The following OTOF variants were observed in gnomAD, a reference collection of about 807,000 sequenced individuals.
OTOF encodes fer-1-like family member 2.
Under a neutral mutation model 236.8 loss-of-function variants are expected in OTOF, and 218 were observed. The ratio of observed to expected loss-of-function variants is 0.92; its 90% confidence interval spans 0.82 to 1.03. OTOF has a LOEUF of 1.03. Ranked by LOEUF, OTOF falls within the 50% of genes least tolerant of loss-of-function variation. OTOF has a pLI of 0.00. For synonymous variants in OTOF, 1,041 were observed against 1,072.5 expected, an observed-to-expected ratio of 0.97 and a Z score of 0.57; for missense variants, 2,590 against 2,694.4, an observed-to-expected ratio of 0.96 and a Z score of 0.86.
intron 1 of OTOF, among the ~76,000 whole-genome samples, chr2:26,555,539 C>T (rs992741184): frequency 6.6e-6 from 1 of 151,966 alleles, no homozygotes; most frequent in African/African-American, 2.4e-5. Context: ...ACCGAGGGGC[C>T]GACTGGCCTG....
At position 26,550,075 on chromosome 2, in the gene OTOF, C is replaced by A. The variant is rs1233516063; in HGVS notation, c.79+8418G>T. Among the ~76,000 whole-genome samples the A allele has an allele frequency of 2.6e-5, 4 of 151,356 alleles. 1 individual carries two copies. The highest frequency in any genetic ancestry group is 2.0e-4 in the Admixed American group (3 of 15,216). On this transcript the variant is annotated intron_variant, in intron 1 of 46. Transcript: ENST00000272371. ...TAGGGTAAAAATATTGTGGAAACTGCAGTCCTGACTTTACCTTAAACTTCG... is the reference window on the plus strand; with the variant it reads ...TAGGGTAAAAATATTGTGGAAACTGAAGTCCTGACTTTACCTTAAACTTCG...
At chr2:26,515,199 C>G (rs1168500376) in intron 5 of OTOF, among the ~76,000 whole-genome samples, 2 of 152,214 alleles carry the variant, frequency 1.3e-5, no homozygotes, top group Admixed American at 6.5e-5. Flanking sequence ...AAGGGTCACA[C>G]GACTAGTAAG....
At chr2:26,484,690 G>A (rs930099347) in intron 11 of OTOF, 57 bp from the exon 12 acceptor site, 2 of 1,591,668 alleles carry the variant, frequency 1.3e-6, no homozygotes, top group Non-Finnish European at 1.7e-6. Flanking sequence ...GCGTCTCCCA[G>A]TGCTCAGGGC....
At chr2:26,491,464 TG>T (rs1665838959) in intron 9 of OTOF, among the ~76,000 whole-genome samples, 1 of 152,184 alleles carries the variant, frequency 6.6e-6, no homozygotes, top group Non-Finnish European at 1.5e-5. Flanking sequence ...TGAGCACACA[TG>T]GGTCTTCATG....
At chr2:26,520,708 C>A (rs1666656269) in intron 3 of OTOF, among the ~76,000 whole-genome samples, 1 of 152,218 alleles carries the variant, frequency 6.6e-6, no homozygotes, top group Non-Finnish European at 1.5e-5. Flanking sequence ...GGAGCTGCTG[C>A]CCCTGAGTCT....
chr2:26,483,595 T>C lies in OTOF; in HGVS notation c.1259A>G (p.Tyr420Cys), dbSNP rs1342861411. The C allele has an allele frequency of 1.9e-6, 3 of 1,613,486 alleles. No individual in the cohort carries two copies. The highest frequency in any genetic ancestry group is 2.2e-5 in the East Asian group (1 of 44,904). Residue 420 changes from tyrosine (Y) to cysteine (C), a missense_variant, in exon 13 of 47, where the codon TAT becomes TGT. This residue lies in a region of OTOF where 1,379 missense variants were observed against 1,341.6 expected (regional missense o/e 1.03). Coordinates refer to ENST00000272371, the MANE Select transcript of OTOF (RefSeq NM_194248.3). ...CCCCTCTGCTCGGTAAATTTTCACA[T>C]AGAACCGGGCCCACTGGCGTTCGGG... ...VPPERQWARF[Y>C]VKIYRAEGLP...
chr2:26,500,583 C>T (rs1572454889), intron 8 of OTOF, among the ~76,000 whole-genome samples: 1 of 152,278 alleles, frequency 6.6e-6, no homozygotes, highest in African/African-American at 2.4e-5. Flanking sequence ...CTAAGGAATC[C>T]AATGGCTTGA....
In OTOF at chr2:26,461,750, G is replaced by A. The variant is rs142748621; in HGVS notation, c.5479C>T (p.Arg1827Trp). Residue 1827 changes from arginine (R) to tryptophan (W), a missense_variant, in exon 43 of 47, where the codon CGG becomes TGG. By Grantham distance (101) the Arg-to-Trp change is moderately radical. This residue lies in a region of OTOF where 1,211 missense variants were observed against 1,352.8 expected (regional missense o/e 0.90). Transcript: ENST00000272371. This position sits in a 1 kb window ranked among gnomAD's most constrained non-coding sequence, Gnocchi z 6.2. ...GCATCCCAGATCTGCAGGGTGAGCC[G>A]CGCGGGGATCTTGTACTCGGTCTCG... ...WDETEYKIPA[R>W]LTLQIWDADH... The A allele has an allele frequency of 2.5e-5, 41 of 1,614,138 alleles. No homozygotes were observed. The highest frequency in any genetic ancestry group is 2.0e-4 in the Admixed American group (12 of 60,022).
intron 13 of OTOF, among the ~76,000 whole-genome samples, 178 bp from the exon 14 acceptor site, chr2:26,482,770 T>C (rs569410939): frequency 2.0e-4 from 29 of 142,214 alleles, no homozygotes; most frequent in African/African-American, 7.6e-4. Context: ...CATGTGTGAG[T>C]GGGTGCGCGT....
At chr2:26,521,203 C>G (rs1026979932) in intron 3 of OTOF, among the ~76,000 whole-genome samples, 1 of 152,190 alleles carries the variant, frequency 6.6e-6, no homozygotes, top group African/African-American at 2.4e-5. Context: ...TTTGAGAATC[C>G]CTGCTCTACT....
intron 39 of OTOF, among the ~76,000 whole-genome samples, chr2:26,464,528 C>T (rs1015975203): frequency 5.9e-5 from 9 of 152,108 alleles, no homozygotes; most frequent in African/African-American, 1.9e-4. Flanking sequence ...GGGCCGATGC[C>T]CTCGCTCTGC....
chr2:26,498,301 T>C (rs1322125090), intron 8 of OTOF, among the ~76,000 whole-genome samples: 2 of 151,962 alleles, frequency 1.3e-5, no homozygotes, highest in Non-Finnish European at 1.5e-5. Flanking sequence ...GAAGAGAAGC[T>C]CCAGAGGGTG....
At position 26,460,932 on chromosome 2, in the gene OTOF, C is replaced by G; in HGVS notation, c.5632G>C (p.Val1878Leu). ...MATGEVDVPL[V>L]SIFKQKRVKG... ...ACGCGCTTTTGCTTGAAGATGGACA[C>G]GAGGGGCACGTCCACCTCCCCGGTG... The change falls in exon 44 of 47, where the codon GTG becomes CTG. Residue 1878 changes from valine (V) to leucine (L), a missense_variant. By Grantham distance (32) the Val-to-Leu change is conservative. Transcript: ENST00000272371. The surrounding 1 kb of genome is among the most constrained non-coding windows in gnomAD (Gnocchi z 5.3). 6.2e-7 allele frequency: 1 copy of G among 1,614,118 alleles called. No homozygotes were observed. The highest frequency in any genetic ancestry group is 1.1e-5 in the South Asian group (1 of 91,082).
In OTOF at chr2:26,462,048, G is replaced by A; in HGVS notation, c.5291+35C>T. Reference sequence around the variant, plus strand: ...CCCCCCGGGAAGCAAGCCCCACCCAGCTCAGTCCCTCCCATGCAGGGACTG... The same window carrying A: ...CCCCCCGGGAAGCAAGCCCCACCCAACTCAGTCCCTCCCATGCAGGGACTG... On this transcript the variant is annotated intron_variant, in intron 42 of 46. Transcript: ENST00000272371. This position sits in a 1 kb window ranked among gnomAD's most constrained non-coding sequence, Gnocchi z 4.7. 1 of 1,083,958 alleles carries A rather than the reference G, an allele frequency of 9.2e-7. No individual in the cohort carries two copies. Among genetic ancestry groups the A allele is most frequent in the Non-Finnish European group, 1.4e-6 (1 of 715,064 alleles). 67.1% of individuals were successfully genotyped at this position (1,083,958 alleles called of 1,614,324 possible). A position where few individuals can be genotyped will look rare whatever the true frequency, so the allele number is the denominator to read the frequency against.
intron 22 of OTOF, 34 bp from the exon 23 acceptor site, chr2:26,476,351 C>A (rs751106527): frequency 9.4e-6 from 15 of 1,592,148 alleles, no homozygotes; most frequent in Non-Finnish European, 1.3e-5. Context: ...AGGAGCCTGA[C>A]GGCTGCCAGG....
At chr2:26,458,370 T>C (rs1664289563) in intron 46 of OTOF, 150 bp from the exon 47 acceptor site, 6 of 832,746 alleles carry the variant, frequency 7.2e-6, no homozygotes, top group Middle Eastern at 6.8e-4. Flanking sequence ...TAAACCCATT[T>C]CTAAGTACCC....
intron 1 of OTOF, among the ~76,000 whole-genome samples, chr2:26,540,054 C>A (rs79222078): frequency 4.6e-5 from 7 of 152,126 alleles, no homozygotes; most frequent in Non-Finnish European, 8.8e-5. Context: ...GTGCCTCAGC[C>A]TCCCAAGTAG....
intron 5 of OTOF, among the ~76,000 whole-genome samples, chr2:26,505,299 C>A (rs1457974941): frequency 6.6e-6 from 1 of 152,160 alleles, no homozygotes; most frequent in Non-Finnish European, 1.5e-5. Flanking sequence ...CAGTAGCATA[C>A]CATCTGAAAT....
At chr2:26,466,131 G>C (rs1036315734) in intron 36 of OTOF, 55 bp from the exon 37 acceptor site, 1 of 1,611,232 alleles carries the variant, frequency 6.2e-7, no homozygotes, top group Non-Finnish European at 8.5e-7. Flanking sequence ...CTCATCTTCA[G>C]TGCCCCTGCC....
Sources: gnomAD v4.1 joint callset for allele counts (sites outside exome capture counted in the v4.1 genomes callset) on GRCh38, gnomAD v4.1.1 for gene constraint, gnomAD v4.1.1 regional missense constraint, Gnocchi (gnomAD v3.1) non-coding constraint, MANE v1.5 for transcripts, NCBI Gene and HGNC (gene_info 2026-07-23, HGNC 2026-07-21) for gene names.